The following AK9 variants were observed in gnomAD, a reference collection of about 807,000 sequenced individuals.
AK9 encodes adenylate kinase domain containing 1.
In AK9, 191 loss-of-function variants were observed where a neutral mutation model predicts 239.6. The observed-to-expected ratio is 0.80, with a 90% CI of 0.71 to 0.90. The LOEUF (loss-of-function observed/expected upper bound fraction) is 0.90, where lower values mean the gene tolerates loss of function less well. Among genes scored for constraint, AK9 ranks in the 40% least tolerant of loss-of-function variants. The pLI is 0.00. For missense variants in AK9, 1,995 were observed against 2,214.7 expected, an observed-to-expected ratio of 0.90 and a Z score of 1.99; for synonymous variants, 689 against 721.0, an observed-to-expected ratio of 0.96 and a Z score of 0.71.
intron 21 of AK9, among the ~76,000 whole-genome samples, chr6:109,571,185 A>G (rs1381380831): frequency 6.6e-6 from 1 of 152,190 alleles, no homozygotes; most frequent in Admixed American, 6.6e-5. Context: ...TCTCAAGAAT[A>G]GGGTCATGTG....
At chr6:109,609,102 C>T (rs1319435109) in intron 17 of AK9, among the ~76,000 whole-genome samples, 1 of 152,192 alleles carries the variant, frequency 6.6e-6, no homozygotes, top group Non-Finnish European at 1.5e-5. Context: ...CCCAGAGCTA[C>T]AGTTTACCAT....
chr6:109,600,547 G>T (rs1291355370), intron 17 of AK9, among the ~76,000 whole-genome samples: 4 of 152,000 alleles, frequency 2.6e-5, no homozygotes, highest in Non-Finnish European at 5.9e-5. Context: ...CTCTTTTTTT[G>T]TTGTGTCTCT....
intron 17 of AK9, among the ~76,000 whole-genome samples, chr6:109,602,829 T>C (rs1211402837): frequency 2.6e-5 from 4 of 152,196 alleles, no homozygotes; most frequent in Admixed American, 6.6e-5. Context: ...ATTTGATCTT[T>C]AATCACTGAT....
At chr6:109,645,413 G>A (rs937029038) in intron 8 of AK9, among the ~76,000 whole-genome samples, 5 of 152,194 alleles carry the variant, frequency 3.3e-5, no homozygotes, top group African/African-American at 2.4e-5. Context: ...TATATGCTGC[G>A]CCTGGCTCAG....
At chr6:109,619,011 C>A in intron 13 of AK9, 81 bp downstream of exon 13, 4 of 1,426,020 alleles carry the variant, frequency 2.8e-6, no homozygotes, top group Non-Finnish European at 3.7e-6. Context: ...CCAAGATGAG[C>A]TAAACAAAGT....
In AK9 at chr6:109,612,630, A is replaced by G. The variant is rs192682759; in HGVS notation, c.1610-537T>C. Among the ~76,000 whole-genome samples the G allele has an allele frequency of 2.0e-5, 3 of 152,082 alleles. No homozygotes were observed. The East Asian group carries it at 5.8e-4, about 29-fold the overall frequency. The stretch of plus-strand genomic sequence containing the variant: ...CATCTGATGGTCAAAAATTTAATGT[A>G]TAGGGGGTGGGGTCGTTCTGTGAAG... On this transcript the variant is annotated intron_variant, in intron 15 of 40. Transcript: ENST00000424296.
intron 28 of AK9, among the ~76,000 whole-genome samples, chr6:109,531,713 G>C (rs749517): frequency 6.6e-6 from 1 of 151,884 alleles, no homozygotes; most frequent in African/African-American, 2.4e-5. Flanking sequence ...GACAACATAT[G>C]AATGTGCTTT....
chr6:109,642,188 C>T (rs1377121964), intron 9 of AK9, among the ~76,000 whole-genome samples: 45 of 152,160 alleles, frequency 3.0e-4, no homozygotes, highest in Admixed American at 2.9e-3. Context: ...TGATTTTGGA[C>T]TTTTAGCCTC....
chr6:109,614,452 C>G lies in AK9; in HGVS notation c.1428G>C (p.Arg476Ser), dbSNP rs955225873. 8.4e-6 allele frequency: 13 copies of G among 1,550,986 alleles called. No individual in the cohort carries two copies. The highest frequency in any genetic ancestry group is 2.7e-5 in the African/African-American group (2 of 72,958). ...CTCCAAACTCCATTTTTTCATATTG[C>G]CTTTGAAATTCTCTTAAAGCTGTTT... ...QAETALREFQ[R>S]QYEKMEFGVF... Residue 476 changes from arginine to serine, a missense_variant, in exon 14 of 41, where the codon AGG becomes AGC. Around this residue, in one of 5 missense-constraint regions of AK9, gnomAD observed 1,290 missense variants for 1,392.7 expected, o/e 0.93. Transcript: ENST00000424296.
At position 109,610,440 on chromosome 6, in the gene AK9, T is replaced by C. The variant is rs1793439744; in HGVS notation, c.1767A>G (p.Ile589Met). ...PEVVTMIEET[I>M]KMSQDINFEQ... The stretch of plus-strand genomic sequence containing the variant: ...CAAAGTTTATATCCTGTGACATTTT[T>C]ATAGTCTCTTCAATCATGGTCACAA... Residue 589 changes from isoleucine (I) to methionine (M), a missense_variant, in exon 17 of 41, where the codon ATA (isoleucine) becomes ATG (methionine). Around this residue, in one of 5 missense-constraint regions of AK9, gnomAD observed 1,290 missense variants for 1,392.7 expected, o/e 0.93. Transcript: ENST00000424296. 1 of 1,551,528 alleles carries C rather than the reference T, an allele frequency of 6.4e-7. No homozygotes were observed. The highest frequency in any genetic ancestry group is 8.7e-7 in the Non-Finnish European group (1 of 1,146,844).
intron 1 of AK9, among the ~76,000 whole-genome samples, chr6:109,689,941 C>G (rs1473317669): frequency 1.3e-5 from 2 of 152,112 alleles, no homozygotes; most frequent in Admixed American, 6.6e-5. Context: ...GTCCAAAATG[C>G]CAGAACGGAC....
At chr6:109,547,640 A>AT (rs1327349385) in intron 25 of AK9, among the ~76,000 whole-genome samples, 1 of 152,156 alleles carries the variant, frequency 6.6e-6, no homozygotes, top group Non-Finnish European at 1.5e-5. Flanking sequence ...CTGGGCAAAG[A>AT]TTTTTCCAGG....
At chr6:109,647,358 G>C (rs911660550) in intron 8 of AK9, among the ~76,000 whole-genome samples, 7 of 152,120 alleles carry the variant, frequency 4.6e-5, no homozygotes, top group Non-Finnish European at 7.3e-5. Context: ...CACGTGCAGA[G>C]ACACACATAG....
At chr6:109,676,214 T>G (rs1267931080) in intron 1 of AK9, among the ~76,000 whole-genome samples, 1 of 152,134 alleles carries the variant, frequency 6.6e-6, no homozygotes, top group Admixed American at 6.5e-5. Flanking sequence ...CCAAAAGTAA[T>G]GTCATTTTTA....
rs372786738 is a variant in AK9 at position 109,675,721 on chromosome 6, C to A, written c.25G>T (p.Glu9Ter). The part of the protein sequence containing the change: MTSQEKTE[E>*]YPFADIFDED... ...TCAAATATATCTGCAAAAGGATACT[C>A]TTCTGTCTTCTCTTGAGAAGTCATG... The change falls in exon 2 of 41, where the codon GAG becomes TAG. Residue 9 changes from glutamate (E) to a stop codon, truncating the protein, a stop_gained. Transcript: ENST00000424296. LOFTEE classifies it high-confidence loss of function. 88 of 1,586,254 alleles carry A rather than the reference C, an allele frequency of 5.5e-5. No homozygotes were observed. Among genetic ancestry groups the A allele is most frequent in the Non-Finnish European group, 6.9e-5 (81 of 1,168,800 alleles).
In AK9 at chr6:109,641,464, C is replaced by T. The variant is rs1167913829; in HGVS notation, c.933+54G>A. The T allele has an allele frequency of 2.8e-6, 4 of 1,453,734 alleles. No individual in the cohort carries two copies. In the African/African-American group the frequency reaches 5.6e-5, roughly 20 times the overall value. 90.1% of individuals were successfully genotyped at this position (1,453,734 alleles called of 1,614,324 possible). ...GATTACAGGTGTGAGCCACTGCACCCTGCCCACAACATATATTGAAAATTA... is the reference window on the plus strand; with the variant it reads ...GATTACAGGTGTGAGCCACTGCACCTTGCCCACAACATATATTGAAAATTA... On this transcript the variant is annotated intron_variant, in intron 10 of 40. Coordinates refer to ENST00000424296, the MANE Select transcript of AK9 (RefSeq NM_001145128.3).
rs1191905800 is a variant in AK9 at position 109,610,453 on chromosome 6, A to G, written c.1754T>C (p.Ile585Thr). ...TADHPEVVTM[I>T]EETIKMSQDI... is the part of the protein sequence containing the mutation. Reference sequence around the variant, plus strand: ...CTGTGACATTTTTATAGTCTCTTCAATCATGGTCACAACCTCTGGATGATC... The same window carrying G: ...CTGTGACATTTTTATAGTCTCTTCAGTCATGGTCACAACCTCTGGATGATC... Residue 585 changes from isoleucine (I) to threonine (T), a missense_variant, in exon 17 of 41, where the codon ATT becomes ACT. By Grantham distance (89) the Ile-to-Thr change is moderately conservative. Coordinates refer to ENST00000424296, the MANE Select transcript of AK9 (RefSeq NM_001145128.3). The G allele has an allele frequency of 7.1e-6, 11 of 1,551,304 alleles. No homozygotes were observed. Among genetic ancestry groups the G allele is most frequent in the East Asian group, 2.4e-5 (1 of 40,894 alleles).
chr6:109,648,350 T>C (rs1292356317), intron 8 of AK9, among the ~76,000 whole-genome samples: 1 of 151,876 alleles, frequency 6.6e-6, no homozygotes, highest in Non-Finnish European at 1.5e-5. Context: ...CTAGCAAGAC[T>C]AATAAAGAAG....
At chr6:109,530,167 T>G (rs1000920024) in intron 28 of AK9, among the ~76,000 whole-genome samples, 1 of 152,200 alleles carries the variant, frequency 6.6e-6, no homozygotes, top group African/African-American at 2.4e-5. Flanking sequence ...GGGGGCTTAT[T>G]GGCTCAGGAC....
Sources: gnomAD v4.1 joint callset for allele counts (sites outside exome capture counted in the v4.1 genomes callset) on GRCh38, gnomAD v4.1.1 for gene constraint, gnomAD v4.1.1 regional missense constraint, MANE v1.5 for transcripts, NCBI Gene and HGNC (gene_info 2026-07-23, HGNC 2026-07-21) for gene names.